Variants in DLEC1 observed in about 807,000 individuals in gnomAD.
DLEC1 encodes the protein DLEC1 cilia and flagella associated protein.
In DLEC1, 146 loss-of-function variants were observed where a neutral mutation model predicts 198.1. That is an observed-to-expected ratio of 0.74 (90% CI 0.64 to 0.85). The LOEUF (loss-of-function observed/expected upper bound fraction) is 0.85. DLEC1 is among the 40% of genes least tolerant of loss of function. The pLI, the probability that DLEC1 is intolerant of heterozygous loss-of-function variation, is 0.00. For synonymous variants in DLEC1, 897 were observed against 866.8 expected (o/e 1.03, Z -0.61); for missense variants, 2,233 against 2,220.0 (o/e 1.01, Z -0.12).
chr3:38,064,100 G>A (rs1352240350), intron 6 of DLEC1, among the ~76,000 whole-genome samples, 181 bp downstream of exon 6: 1 of 151,080 alleles, frequency 6.6e-6, no homozygotes, highest in African/African-American at 2.4e-5. Context: ...TGAAGGGAAG[G>A]TCAGCAGATA....
At chr3:38,108,041 C>G (rs1395860855) in intron 20 of DLEC1, among the ~76,000 whole-genome samples, 3 of 152,176 alleles carry the variant, frequency 2.0e-5, no homozygotes, top group Non-Finnish European at 4.4e-5. Context: ...TGTTGGAGCC[C>G]AGTTGTGGTG....
At position 38,084,384 on chromosome 3, in the gene DLEC1, G is replaced by C. The variant is rs569428370; in HGVS notation, c.1261+139G>C. 8.2e-4 allele frequency: 585 copies of C among 710,282 alleles called. 4 individuals carry two copies. Among genetic ancestry groups the C allele is most frequent in the Non-Finnish European group, 9.9e-4 (432 of 438,162 alleles). The allele number at this position is 710,282 out of a possible 1,614,324, so 44.0% of individuals were successfully genotyped here. A position where few individuals can be genotyped will look rare whatever the true frequency, so the allele number is the denominator to read the frequency against. ...GGTAGTAGTAGTAGTGATGGTGGTA[G>C]TAGTGGTAGTAGTAGTAGTGGTGGT... On this transcript the variant is annotated intron_variant, in intron 7 of 36. Transcript: ENST00000308059.
In DLEC1 at chr3:38,122,629, G is replaced by GACC. The variant is rs1390890459; in HGVS notation, c.*223_*225dup. 1 of 1,518,236 alleles carries GACC rather than the reference G, an allele frequency of 6.6e-7. No homozygotes were observed. Among genetic ancestry groups the GACC allele is most frequent in the African/African-American group, 1.4e-5 (1 of 72,212 alleles). The allele number at this position is 1,518,236 out of a possible 1,614,324, so 94.0% of individuals were successfully genotyped here. A position where few individuals can be genotyped will look rare whatever the true frequency, so the allele number is the denominator to read the frequency against. The stretch of plus-strand genomic sequence containing the variant: ...AAAGGACAGGCCACACCACAGCAGA[G>GACC]ACCACCACATTGAGATCACTACTCA... On this transcript the variant is annotated 3_prime_UTR_variant, in exon 37 of 37. Coordinates refer to ENST00000308059, the MANE Select transcript of DLEC1 (RefSeq NM_007335.4).
chr3:38,058,136 G>C (rs376431880), intron 2 of DLEC1, among the ~76,000 whole-genome samples: 2 of 152,088 alleles, frequency 1.3e-5, no homozygotes, highest in East Asian at 3.9e-4. Context: ...TGATATATCT[G>C]AAATATTGTG....
chr3:38,115,091 A>G (rs1221641366), intron 27 of DLEC1, 38 bp downstream of exon 27: 8 of 1,611,186 alleles, frequency 5.0e-6, no homozygotes, highest in Non-Finnish European at 6.8e-6. Flanking sequence ...TTCTTGCCAC[A>G]GGCTGTGCCT....
At chr3:38,072,269 T>A (rs1178898223) in intron 6 of DLEC1, among the ~76,000 whole-genome samples, 1 of 151,916 alleles carries the variant, frequency 6.6e-6, no homozygotes, top group African/African-American at 2.4e-5. Flanking sequence ...GCGTCAGGTG[T>A]GAGGAAGAAA....
rs907422823 is a variant in DLEC1 at position 38,100,475 on chromosome 3, A to G, written c.2864+50A>G. 5.8e-6 allele frequency: 9 copies of G among 1,550,114 alleles called. No individual in the cohort carries two copies. In the African/African-American group the frequency reaches 1.1e-4, roughly 19 times the overall value. The stretch of plus-strand genomic sequence containing the variant: ...CTACAACAAACTATGCATATTCGTG[A>G]TGTATTTATCTATATTATATATTTA... On this transcript the variant is annotated intron_variant, in intron 19 of 36. Coordinates refer to ENST00000308059, the MANE Select transcript of DLEC1 (RefSeq NM_007335.4).
At chr3:38,063,817 T>TC in intron 5 of DLEC1, 24 bp from the exon 6 acceptor site, 1 of 1,588,108 alleles carries the variant, frequency 6.3e-7, no homozygotes, top group South Asian at 1.1e-5. Flanking sequence ...ACAGCCTTTC[T>TC]CCCCCTCTTT....
At chr3:38,059,035 A>G (rs1412506574) in intron 2 of DLEC1, among the ~76,000 whole-genome samples, 2 of 152,110 alleles carry the variant, frequency 1.3e-5, no homozygotes, top group Non-Finnish European at 2.9e-5. Flanking sequence ...GTTTGCTACT[A>G]TTTCTGGGCT....
chr3:38,096,996 A>T (rs918002324), intron 15 of DLEC1, among the ~76,000 whole-genome samples, 186 bp from the exon 16 acceptor site: 2 of 152,196 alleles, frequency 1.3e-5, no homozygotes, highest in African/African-American at 4.8e-5. Flanking sequence ...TATGTCAGCC[A>T]CAGGCACTGC....
chr3:38,123,037 G>C lies in DLEC1; in HGVS notation c.*625G>C. 1 of 1,613,938 alleles carries C rather than the reference G, an allele frequency of 6.2e-7. No homozygotes were observed. The highest frequency in any genetic ancestry group is 8.5e-7 in the Non-Finnish European group (1 of 1,179,914). ...ACTGTCTGCGTAGCGCCTCCAGCCT[G>C]GGACCTCACTCAGTTCCCAGGGTAT... On this transcript the variant is annotated 3_prime_UTR_variant, in exon 37 of 37. Transcript: ENST00000308059.
At chr3:38,067,694 A>G (rs1388829286) in intron 6 of DLEC1, among the ~76,000 whole-genome samples, 2 of 151,340 alleles carry the variant, frequency 1.3e-5, no homozygotes, top group South Asian at 2.1e-4. Flanking sequence ...GCTTCCTTAC[A>G]GTATGGCAAT....
chr3:38,084,066 A>G, intron 6 of DLEC1, 92 bp from the exon 7 acceptor site: 1 of 1,264,642 alleles, frequency 7.9e-7, no homozygotes, highest in Non-Finnish European at 1.1e-6. Flanking sequence ...TTCTACCTCT[A>G]CCCCCTTCTC....
chr3:38,103,352 C>G (rs768584381), intron 19 of DLEC1: 1 of 152,288 alleles, frequency 6.6e-6, no homozygotes, highest in Non-Finnish European at 1.5e-5. Flanking sequence ...CTCAGCTCCC[C>G]CGCCCTTTGA....
intron 2 of DLEC1, among the ~76,000 whole-genome samples, chr3:38,048,882 A>G (rs1407923123): frequency 2.0e-5 from 3 of 152,142 alleles, no homozygotes; most frequent in African/African-American, 7.2e-5. Context: ...CCACCACAGC[A>G]CAGTGTAGCT....
intron 14 of DLEC1, 151 bp from the exon 15 acceptor site, chr3:38,096,418 C>T (rs1699019629): frequency 1.1e-6 from 1 of 902,186 alleles, no homozygotes; most frequent in Non-Finnish European, 1.7e-6. Context: ...CTTTCAGGCA[C>T]TGGCTAATGC....
Position 38,085,162 on chromosome 3 carries a change from G to A in DLEC1, c.1262-112G>A, listed in dbSNP as rs1698384048. On this transcript the variant is annotated intron_variant, in intron 7 of 36. Transcript: ENST00000308059. ...CTGCCATCAGCGTGGCTTTGGCCCAGAAGGCACTTACAGAGCCAGCCCTGG... is the reference window on the plus strand; with the variant it reads ...CTGCCATCAGCGTGGCTTTGGCCCAAAAGGCACTTACAGAGCCAGCCCTGG... 1.3e-5 allele frequency: 16 copies of A among 1,224,948 alleles called. No individual in the cohort carries two copies. In the Admixed American group the frequency reaches 3.1e-4, roughly 24 times the overall value. The allele number at this position is 1,224,948 out of a possible 1,614,324, so 75.9% of individuals were successfully genotyped here. A position where few individuals can be genotyped will look rare whatever the true frequency, so the allele number is the denominator to read the frequency against.
At chr3:38,059,681 G>A (rs1357923421) in intron 2 of DLEC1, 61 bp from the exon 3 acceptor site, 19 of 1,416,382 alleles carry the variant, frequency 1.3e-5, no homozygotes, top group Non-Finnish European at 1.9e-5. Context: ...AAGTTTGGGT[G>A]TGGGTTCTTC....
In DLEC1 at chr3:38,088,310, C is replaced by T. The variant is rs368752987; in HGVS notation, c.1587C>T (p.Val529=). The change falls in exon 10 of 37, where the codon GTC becomes GTT. Residue 529 remains valine, a synonymous_variant. Transcript: ENST00000308059. ...TTTTCTTTAAGGCCATTGCAACCGTCGGCTTTGTTGAACAACCTCCTTTTG... is the reference window on the plus strand; with the variant it reads ...TTTTCTTTAAGGCCATTGCAACCGTTGGCTTTGTTGAACAACCTCCTTTTG... The part of the protein sequence containing the change: ...PPLSFKAIAT[V]GFVEQPPFGI... The T allele has an allele frequency of 2.0e-5, 32 of 1,613,982 alleles. No individual in the cohort carries two copies. The highest frequency in any genetic ancestry group is 1.0e-4 in the Admixed American group (6 of 60,018).
Sources: allele counts gnomAD v4.1 joint callset (sites outside exome capture counted in the v4.1 genomes callset), GRCh38; gene constraint gnomAD v4.1.1; transcripts MANE v1.5; gene names NCBI Gene and HGNC (gene_info 2026-07-23, HGNC 2026-07-21).